Variants in PCBP3 observed in about 807,000 individuals in gnomAD.
PCBP3 encodes the protein poly(rC)-binding protein 3.
PCBP3 carries 25 observed loss-of-function variants against 52.7 expected under a neutral mutation model. The ratio of observed to expected loss-of-function variants is 0.47; its 90% CI spans 0.35 to 0.66. PCBP3 has a LOEUF of 0.66. PCBP3 is among the 30% of genes least tolerant of loss of function. PCBP3 has a pLI of 0.01. For missense variants in PCBP3, 391 were observed against 490.3 expected (o/e 0.80, Z 1.91); for synonymous variants, 162 against 183.0 (o/e 0.89, Z 0.93).
At chr21:45,689,679 C>G (rs556144007) in intron 2 of PCBP3, among the ~76,000 whole-genome samples, 1 of 151,986 alleles carries the variant, frequency 6.6e-6, no homozygotes, top group East Asian at 1.9e-4. Flanking sequence ...ATAACTTTAG[C>G]TAAATTGAGG....
intron 3 of PCBP3, among the ~76,000 whole-genome samples, chr21:45,753,615 C>T (rs1290452631): frequency 6.6e-6 from 1 of 151,876 alleles, no homozygotes; most frequent in African/African-American, 2.4e-5. Flanking sequence ...GCTCAACTTT[C>T]TTATTTTTTC....
At chr21:45,663,233 C>A (rs930641247) in intron 1 of PCBP3, among the ~76,000 whole-genome samples, 8 of 152,316 alleles carry the variant, frequency 5.3e-5, no homozygotes, top group Non-Finnish European at 8.8e-5. Context: ...GAACACGTGA[C>A]CCACGTGACC....
chr21:45,914,026 G>A lies in PCBP3; in HGVS notation c.675+1G>A. The A allele has an allele frequency of 6.2e-7, 1 of 1,613,656 alleles. No individual in the cohort carries two copies. The highest frequency in any genetic ancestry group is 8.5e-7 in the Non-Finnish European group (1 of 1,179,958). On this transcript the variant is annotated splice_donor_variant, in intron 12 of 17. Coordinates refer to ENST00000681687, the MANE Select transcript of PCBP3 (RefSeq NM_001384156.1). LOFTEE classifies it high-confidence loss of function. ...CCCTGTCATTTTTGCAGGTGGTCAG[G>A]TAAGAGCCGATCCGCTCGCGGCCTC...
chr21:45,826,009 C>G (rs1030584766), intron 4 of PCBP3, among the ~76,000 whole-genome samples: 1 of 152,174 alleles, frequency 6.6e-6, no homozygotes, highest in Admixed American at 6.5e-5. Context: ...CAGTGGCTCA[C>G]GCCTGTAATC....
intron 3 of PCBP3, among the ~76,000 whole-genome samples, chr21:45,739,127 A>T (rs1194700342): frequency 2.0e-4 from 5 of 25,274 alleles, no homozygotes; most frequent in Admixed American, 5.6e-4. Flanking sequence ...TGGCCCCCCC[A>T]TCTTCATCAG....
chr21:45,852,910 G>T (rs1163369650), intron 5 of PCBP3, among the ~76,000 whole-genome samples: 2 of 152,260 alleles, frequency 1.3e-5, no homozygotes, highest in Non-Finnish European at 2.9e-5. Context: ...AAAAATGGGT[G>T]AAGGATCGGA....
chr21:45,867,350 C>T (rs1461187612), intron 5 of PCBP3, among the ~76,000 whole-genome samples: 4 of 152,232 alleles, frequency 2.6e-5, no homozygotes, highest in African/African-American at 9.6e-5. Context: ...GAACGTACAG[C>T]TGCTTAGAAA....
In PCBP3 at chr21:45,917,374, C is replaced by T. The variant is rs1569495103; in HGVS notation, c.676-214C>T. ...CTCCCACCCGCTGAACTGGCCAGCTCAGCTCTGCCCGCCCAGAGGAAGTGG... is the reference window on the plus strand; with the variant it reads ...CTCCCACCCGCTGAACTGGCCAGCTTAGCTCTGCCCGCCCAGAGGAAGTGG... On this transcript the variant is annotated intron_variant, in intron 12 of 17. Transcript: ENST00000681687. The surrounding 1 kb of genome is among the most constrained non-coding windows in gnomAD (Gnocchi z 5.3). 4 of 441,314 alleles carry T rather than the reference C, an allele frequency of 9.1e-6. No individual in the cohort carries two copies. Among genetic ancestry groups the T allele is most frequent in the African/African-American group, 2.0e-5 (1 of 49,162 alleles). 27.3% of individuals were successfully genotyped at this position (441,314 alleles called of 1,614,324 possible). A position where few individuals can be genotyped will look rare whatever the true frequency, so the allele number is the denominator to read the frequency against.
intron 2 of PCBP3, among the ~76,000 whole-genome samples, chr21:45,723,012 CA>C (rs201388146): frequency 8.2e-4 from 112 of 136,482 alleles, no homozygotes; most frequent in South Asian, 1.4e-3. Flanking sequence ...AGACCCGTCT[CA>C]AAAAAAAAAA....
rs1245426364 is a variant in PCBP3 at position 45,735,310 on chromosome 21, G to A, written c.-199-82G>A. 2 of 152,150 alleles carry A rather than the reference G, an allele frequency of 1.3e-5. No homozygotes were observed. Among genetic ancestry groups the A allele is most frequent in the Admixed American group, 1.3e-4 (2 of 15,274 alleles). 9.4% of individuals were successfully genotyped at this position (152,150 alleles called of 1,614,324 possible). ...TGGTTTGATAAAATTTGGTATCTAA[G>A]GTGATAGATTGTGATTTCTGTCTCT... On this transcript the variant is annotated intron_variant, in intron 2 of 17. Transcript: ENST00000681687. The surrounding 1 kb of genome is among the most constrained non-coding windows in gnomAD (Gnocchi z 4.0).
At chr21:45,729,142 A>G (rs1437819654) in intron 2 of PCBP3, among the ~76,000 whole-genome samples, 1 of 152,172 alleles carries the variant, frequency 6.6e-6, no homozygotes, top group African/African-American at 2.4e-5. Context: ...CCTGTTCTAG[A>G]TATTTCATCT....
Position 45,786,104 on chromosome 21 carries a change from G to T in PCBP3, c.-126+30652G>T, listed in dbSNP as rs866469200. Among the ~76,000 whole-genome samples, 116 of 144,910 alleles carry T rather than the reference G, an allele frequency of 8.0e-4. 1 individual carries two copies. Among genetic ancestry groups the T allele is most frequent in the Non-Finnish European group, 8.4e-4 (56 of 66,828 alleles). On this transcript the variant is annotated intron_variant, in intron 4 of 17. Coordinates refer to ENST00000681687, the MANE Select transcript of PCBP3 (RefSeq NM_001384156.1). ...CTGTGACCCTGCCAAATCCCCCTCT[G>T]CGAGAAACACCCAAGAATGATCAAT...
intron 5 of PCBP3, among the ~76,000 whole-genome samples, chr21:45,893,361 G>A (rs963116875): frequency 2.6e-5 from 4 of 152,180 alleles, no homozygotes; most frequent in Admixed American, 2.0e-4. Flanking sequence ...CTCAGATTGT[G>A]CCTCACATGG....
intron 5 of PCBP3, among the ~76,000 whole-genome samples, chr21:45,885,802 T>C (rs1441492313): frequency 6.6e-6 from 1 of 152,250 alleles, no homozygotes; most frequent in African/African-American, 2.4e-5. Flanking sequence ...GCTTGTTTGC[T>C]GAAGCATTTT....
chr21:45,900,075 G>A (rs1048478118), intron 7 of PCBP3, among the ~76,000 whole-genome samples: 11 of 152,320 alleles, frequency 7.2e-5, no homozygotes, highest in Non-Finnish European at 1.2e-4. Context: ...CCGGGAGGCC[G>A]AGCAGTGAGG....
intron 2 of PCBP3, among the ~76,000 whole-genome samples, chr21:45,708,598 A>C (rs935316949): frequency 2.0e-5 from 3 of 152,252 alleles, no homozygotes; most frequent in Non-Finnish European, 4.4e-5. Context: ...GAGATAAAGA[A>C]ATAAAAATCA....
In PCBP3 at chr21:45,909,499, TC is replaced by T. The variant is rs745529523; in HGVS notation, c.471+16del. On this transcript the variant is annotated intron_variant, in intron 10 of 17. Transcript: ENST00000681687. ...GGAGATCAGGGAGGTAACAGGACCT[TC>T]CCAGCCTGGGCCGCTGCGGAGCCTC... 3 of 1,611,106 alleles carry T rather than the reference TC, an allele frequency of 1.9e-6. No homozygotes were observed. In the South Asian group the frequency reaches 3.3e-5, roughly 18 times the overall value.
intron 1 of PCBP3, among the ~76,000 whole-genome samples, chr21:45,655,345 G>A (rs1314216739): frequency 6.6e-6 from 1 of 151,730 alleles, no homozygotes. Flanking sequence ...CAAACAATTT[G>A]GAATGTAAAA....
At chr21:45,712,189 T>C (rs1407931161) in intron 2 of PCBP3, among the ~76,000 whole-genome samples, 1 of 152,244 alleles carries the variant, frequency 6.6e-6, no homozygotes, top group South Asian at 2.1e-4. Flanking sequence ...TTGGCGGTTA[T>C]GAATAAAGCT....
Sources: gnomAD v4.1 joint callset for allele counts (sites outside exome capture counted in the v4.1 genomes callset) on GRCh38, gnomAD v4.1.1 for gene constraint, Gnocchi (gnomAD v3.1) non-coding constraint, MANE v1.5 for transcripts, NCBI Gene and HGNC (gene_info 2026-07-23, HGNC 2026-07-21) for gene names.